The following RARB variants were observed in gnomAD, a reference collection of about 807,000 sequenced individuals.
The protein encoded by RARB is HBV-activated protein.
Under a neutral mutation model 51.9 loss-of-function variants are expected in RARB, and 17 were observed. The ratio of observed to expected loss-of-function variants is 0.33; its 90% CI spans 0.22 to 0.49. The LOEUF (loss-of-function observed/expected upper bound fraction) is 0.49. Among genes scored for constraint, RARB ranks in the 20% least tolerant of loss-of-function variants. The probability of loss-of-function intolerance (pLI) is 0.99; values close to 1 mark genes in which losing one functional copy is unlikely to be tolerated. For synonymous variants in RARB, 215 were observed against 195.4 expected, an observed-to-expected ratio of 1.10 and a Z score of -0.84; for missense variants, 369 against 550.8, an observed-to-expected ratio of 0.67 and a Z score of 3.30.
At chr3:25,503,477 T>C (rs1697413829) in intron 3 of RARB, among the ~76,000 whole-genome samples, 2 of 152,136 alleles carry the variant, frequency 1.3e-5, no homozygotes, top group Admixed American at 6.5e-5. Flanking sequence ...TTAAAACCCA[T>C]ATCCTGCTGC....
intron 2 of RARB, among the ~76,000 whole-genome samples, chr3:24,976,622 T>TC (rs1696519321): frequency 1.3e-5 from 2 of 152,220 alleles, no homozygotes; most frequent in African/African-American, 4.8e-5. Context: ...GGTTTTTTTT[T>TC]CTTGTAAATT....
At chr3:25,153,072 T>C (rs536366156) in intron 4 of RARB, among the ~76,000 whole-genome samples, 2 of 152,304 alleles carry the variant, frequency 1.3e-5, no homozygotes, top group East Asian at 1.9e-4. Context: ...ATTACTACTT[T>C]CATGGAATTC....
At chr3:25,516,853 C>T (rs1309976808) in intron 3 of RARB, among the ~76,000 whole-genome samples, 1 of 152,112 alleles carries the variant, frequency 6.6e-6, no homozygotes, top group Non-Finnish European at 1.5e-5. Flanking sequence ...TCTCAAACAC[C>T]TGGCCTCAAG....
intron 3 of RARB, among the ~76,000 whole-genome samples, chr3:25,119,985 A>G (rs1580818): frequency 0.67 from 102,502 of 151,972 alleles, 34,696 homozygotes; most frequent in Admixed American, 0.75. Context: ...AGGAGAGTTT[A>G]GAGTGCCCCC....
At chr3:25,523,122 A>G (rs776488757) in intron 3 of RARB, among the ~76,000 whole-genome samples, 4 of 152,204 alleles carry the variant, frequency 2.6e-5, no homozygotes, top group Non-Finnish European at 4.4e-5. Flanking sequence ...GCCCAAATGT[A>G]TTGAGAATAT....
intron 5 of RARB, among the ~76,000 whole-genome samples, chr3:25,231,798 T>C (rs982080354): frequency 1.3e-5 from 2 of 152,170 alleles, no homozygotes; most frequent in Admixed American, 6.5e-5. Context: ...GTTTTTAATA[T>C]AATCTGCTTA....
intron 3 of RARB, among the ~76,000 whole-genome samples, chr3:25,548,277 T>C (rs550804254): frequency 9.6e-4 from 146 of 152,258 alleles, no homozygotes; most frequent in Non-Finnish European, 1.8e-3. Flanking sequence ...ACACACTGGC[T>C]CCAGATTGAT....
At chr3:24,982,353 A>C (rs1428342325) in intron 2 of RARB, among the ~76,000 whole-genome samples, 3 of 152,190 alleles carry the variant, frequency 2.0e-5, no homozygotes, top group African/African-American at 7.2e-5. Flanking sequence ...ATCTTTTCTC[A>C]GAGTGTAAGA....
intron 5 of RARB, among the ~76,000 whole-genome samples, chr3:25,319,062 T>C (rs1704497033): frequency 6.6e-6 from 1 of 152,188 alleles, no homozygotes; most frequent in East Asian, 1.9e-4. Context: ...AAGATGATTT[T>C]CAATAATATA....
intron 2 of RARB, among the ~76,000 whole-genome samples, chr3:24,979,263 T>C (rs559492324): frequency 4.4e-4 from 67 of 152,326 alleles, no homozygotes; most frequent in African/African-American, 1.3e-3. Flanking sequence ...AGATGTCTAT[T>C]AGGTCTGCTT....
intron 5 of RARB, among the ~76,000 whole-genome samples, chr3:25,278,385 C>T (rs1703442742): frequency 6.6e-6 from 1 of 152,186 alleles, no homozygotes; most frequent in Non-Finnish European, 1.5e-5. Context: ...ACCCATTGGA[C>T]AGTCCAACAG....
At chr3:24,884,143 A>G (rs1703228570) in intron 2 of RARB, among the ~76,000 whole-genome samples, 1 of 152,222 alleles carries the variant, frequency 6.6e-6, no homozygotes, top group African/African-American at 2.4e-5. Flanking sequence ...TTTAAGGAAA[A>G]TAAAGCTCTA....
chr3:25,185,721 A>G (rs1700959109), intron 5 of RARB, among the ~76,000 whole-genome samples: 1 of 152,150 alleles, frequency 6.6e-6, no homozygotes, highest in South Asian at 2.1e-4. Context: ...TTTCATAGCC[A>G]CATTGACTTC....
At chr3:24,996,988 A>G (rs543741507) in intron 2 of RARB, among the ~76,000 whole-genome samples, 52 of 152,140 alleles carry the variant, frequency 3.4e-4, no homozygotes, top group Middle Eastern at 3.2e-3. Context: ...TCTATAATAT[A>G]GTTTAAATCC....
intron 1 of RARB, among the ~76,000 whole-genome samples, chr3:25,439,019 C>T (rs1181391046): frequency 1.3e-5 from 2 of 152,120 alleles, no homozygotes; most frequent in Non-Finnish European, 2.9e-5. Context: ...TCAGGGGGTT[C>T]AGACCAGGAT....
At chr3:25,552,566 A>T (rs1378450911) in intron 3 of RARB, among the ~76,000 whole-genome samples, 1 of 152,004 alleles carries the variant, frequency 6.6e-6, no homozygotes, top group Non-Finnish European at 1.5e-5. Context: ...TGCTTTGCAT[A>T]TATCTAGATC....
At chr3:25,076,556 C>A (rs1446151243) in intron 3 of RARB, among the ~76,000 whole-genome samples, 1 of 152,108 alleles carries the variant, frequency 6.6e-6, no homozygotes, top group Admixed American at 6.6e-5. Flanking sequence ...ATAAATGATT[C>A]CATGCAAAAG....
chr3:25,142,233 C>T (rs1700118525), intron 4 of RARB, among the ~76,000 whole-genome samples: 1 of 152,152 alleles, frequency 6.6e-6, no homozygotes, highest in Non-Finnish European at 1.5e-5. Flanking sequence ...ACTCAGGAGG[C>T]TGAGGCAGGA....
At chr3:24,899,981 T>C (rs1425920375) in intron 2 of RARB, among the ~76,000 whole-genome samples, 1 of 152,146 alleles carries the variant, frequency 6.6e-6, no homozygotes, top group Non-Finnish European at 1.5e-5. Flanking sequence ...TTGCAAGACA[T>C]TTTTACGATA....
Sources: allele counts gnomAD v4.1 joint callset (sites outside exome capture counted in the v4.1 genomes callset), GRCh38; gene constraint gnomAD v4.1.1; transcripts MANE v1.5; gene names NCBI Gene and HGNC (gene_info 2026-07-23, HGNC 2026-07-21).